Variants in SOS1 observed in about 807,000 individuals in gnomAD.
SOS1 encodes the protein son of sevenless homolog 1.
SOS1 carries 25 observed loss-of-function variants against 157.6 expected under a neutral mutation model. The observed-to-expected ratio is 0.16, with a 90% CI of 0.12 to 0.22. The LOEUF (loss-of-function observed/expected upper bound fraction) is 0.22. Among genes scored for constraint, SOS1 ranks in the 10% least tolerant of loss-of-function variants. The probability of loss-of-function intolerance (pLI) is 1.00; values close to 1 mark genes in which losing one functional copy is unlikely to be tolerated. For missense variants in SOS1, 1,237 were observed against 1,599.1 expected, an observed-to-expected ratio of 0.77 and a Z score of 3.86; for synonymous variants, 528 against 534.0, an observed-to-expected ratio of 0.99 and a Z score of 0.16.
chr2:39,001,507 G>T (rs1482218181), intron 17 of SOS1, among the ~76,000 whole-genome samples: 1 of 152,166 alleles, frequency 6.6e-6, no homozygotes, highest in Non-Finnish European at 1.5e-5. Context: ...TTAAATGGTG[G>T]TTGTGCCAGC....
chr2:39,044,899 C>T (rs1188464836), intron 6 of SOS1, among the ~76,000 whole-genome samples: 1 of 151,326 alleles, frequency 6.6e-6, no homozygotes, highest in East Asian at 1.9e-4. Flanking sequence ...TCCCTTTTAT[C>T]GGTGAGGGAT....
chr2:39,053,452 A>C (rs1572856604), intron 5 of SOS1, among the ~76,000 whole-genome samples: 1 of 152,126 alleles, frequency 6.6e-6, no homozygotes, highest in Non-Finnish European at 1.5e-5. Flanking sequence ...TACTTTTTTT[A>C]AAGCAACCTT....
At position 39,120,979 on chromosome 2, in the gene SOS1, G is replaced by GGCCGCCGCC. The variant is rs1246824944; in HGVS notation, c.-566_-558dup. 1.1e-5 allele frequency: 2 copies of GGCCGCCGCC among 176,276 alleles called. No homozygotes were observed. The highest frequency in any genetic ancestry group is 2.3e-5 in the Non-Finnish European group (2 of 86,520). 10.9% of individuals were successfully genotyped at this position (176,276 alleles called of 1,614,324 possible). A position where few individuals can be genotyped will look rare whatever the true frequency, so the allele number is the denominator to read the frequency against. On this transcript the variant is annotated 5_prime_UTR_variant, in exon 1 of 23. Transcript: ENST00000402219. ...TCTGGCTGCCCTGAGGTGCCGCCGCGGCCGCCGCCGCCACCGCCGCCGCCG... is the reference window on the plus strand; with the variant it reads ...TCTGGCTGCCCTGAGGTGCCGCCGCGGCCGCCGCCGCCGCCGCCGCCACCGCCGCCGCCG...
rs146514867 is a variant in SOS1, at chr2:39,047,286, C to T, written c.864+3858G>A. Among the ~76,000 whole-genome samples the T allele has an allele frequency of 7.3e-3, 1,115 of 152,290 alleles. 7 individuals carry two copies. Among genetic ancestry groups the T allele is most frequent in the Middle Eastern group, 0.014 (4 of 294 alleles). On this transcript the variant is annotated intron_variant, in intron 6 of 22. Transcript: ENST00000402219. ...AGCATTTTATTGTGTGAATATACCA[C>T]TAATTTATCCCTTATGAATAAACCT...
At chr2:39,049,568 T>C (rs1670924080) in intron 6 of SOS1, among the ~76,000 whole-genome samples, 1 of 152,232 alleles carries the variant, frequency 6.6e-6, no homozygotes, top group Admixed American at 6.5e-5. Context: ...TAAATTCATG[T>C]TGTAATTGTT....
intron 1 of SOS1, among the ~76,000 whole-genome samples, chr2:39,104,662 A>G (rs1673098511): frequency 6.6e-6 from 1 of 152,358 alleles, no homozygotes; most frequent in East Asian, 1.9e-4. Context: ...TTGTATGCCA[A>G]TGTTCACTGC....
At chr2:39,054,469 G>T in intron 5 of SOS1, 145 bp downstream of exon 5, 1 of 617,828 alleles carries the variant, frequency 1.6e-6, no homozygotes, top group South Asian at 2.0e-5. Flanking sequence ...TGAAACTGTT[G>T]TAAAACTTTG....
intron 1 of SOS1, among the ~76,000 whole-genome samples, chr2:39,116,702 A>G (rs929709460): frequency 6.6e-6 from 1 of 152,148 alleles, no homozygotes; most frequent in Non-Finnish European, 1.5e-5. Flanking sequence ...CTCTACAAAA[A>G]ATACAAAAAT....
chr2:39,083,896 C>A (rs777278361), intron 1 of SOS1, among the ~76,000 whole-genome samples: 32 of 152,096 alleles, frequency 2.1e-4, no homozygotes, highest in Non-Finnish European at 3.7e-4. Context: ...AAGCCCTAAG[C>A]CCCAGCACCT....
chr2:39,032,444 C>CTAA (rs1372720418), intron 8 of SOS1, among the ~76,000 whole-genome samples: 1 of 152,108 alleles, frequency 6.6e-6, no homozygotes, highest in Admixed American at 6.6e-5. Flanking sequence ...TACAGTTAAA[C>CTAA]TTTCTTTAAA....
At chr2:39,094,066 G>GA (rs1421134602) in intron 1 of SOS1, among the ~76,000 whole-genome samples, 1 of 151,938 alleles carries the variant, frequency 6.6e-6, no homozygotes, top group Non-Finnish European at 1.5e-5. Flanking sequence ...TGTAGAAACA[G>GA]AAAATGAGAA....
chr2:39,025,177 G>A (rs1367480080), intron 8 of SOS1, among the ~76,000 whole-genome samples: 3 of 152,096 alleles, frequency 2.0e-5, no homozygotes, highest in Non-Finnish European at 4.4e-5. Context: ...GGCCCAGGTG[G>A]GAGGATCGCT....
chr2:39,006,555 G>T, intron 16 of SOS1, 26 bp from the exon 17 acceptor site: 1 of 1,125,216 alleles, frequency 8.9e-7, no homozygotes. Context: ...ATAGGCGTAA[G>T]TTTACAAAAG....
chr2:38,990,308 T>C (rs1009265697), intron 20 of SOS1, among the ~76,000 whole-genome samples: 2 of 152,100 alleles, frequency 1.3e-5, no homozygotes, highest in Non-Finnish European at 2.9e-5. Flanking sequence ...TCTGTCCCAT[T>C]ATCTGATTTC....
At chr2:39,047,928 A>T (rs531401924) in intron 6 of SOS1, among the ~76,000 whole-genome samples, 3 of 152,208 alleles carry the variant, frequency 2.0e-5, no homozygotes, top group Non-Finnish European at 4.4e-5. Flanking sequence ...TCAGTCTCCC[A>T]AAGTGCTGGG....
At chr2:39,055,428 T>C (rs1428844327) in intron 4 of SOS1, among the ~76,000 whole-genome samples, 2 of 152,286 alleles carry the variant, frequency 1.3e-5, no homozygotes, top group East Asian at 3.9e-4. Context: ...TGGAGCCTTG[T>C]TTTATATATA....
intron 1 of SOS1, among the ~76,000 whole-genome samples, chr2:39,069,281 G>T (rs1037756592): frequency 6.9e-6 from 1 of 145,468 alleles, no homozygotes; most frequent in Non-Finnish European, 1.5e-5. Context: ...AGGCTGAGGT[G>T]ACGTGGAAGG....
intron 6 of SOS1, among the ~76,000 whole-genome samples, chr2:39,045,163 A>G (rs753381119): frequency 7.6e-4 from 115 of 151,952 alleles, no homozygotes; most frequent in Non-Finnish European, 1.3e-3. Flanking sequence ...AATATTTTCA[A>G]TCCACAGTCG....
chr2:38,997,867 A>G (rs540587159), intron 17 of SOS1, among the ~76,000 whole-genome samples: 1 of 152,278 alleles, frequency 6.6e-6, no homozygotes, highest in East Asian at 1.9e-4. Flanking sequence ...CTAATGACAC[A>G]TCATTTTTGG....
Sources: allele counts gnomAD v4.1 joint callset (sites outside exome capture counted in the v4.1 genomes callset), GRCh38; gene constraint gnomAD v4.1.1; transcripts MANE v1.5; gene names NCBI Gene and HGNC (gene_info 2026-07-23, HGNC 2026-07-21).